Variants in HSPA12A observed in about 807,000 individuals in gnomAD.
The protein encoded by HSPA12A is heat shock protein family A (Hsp70) member 12A, also known as heat shock 70 kDa protein 12A.
In HSPA12A, 28 loss-of-function variants were observed where a neutral mutation model predicts 69.2. The ratio of observed to expected loss-of-function variants is 0.40; its 90% CI spans 0.30 to 0.55. The LOEUF is 0.55. Ranked by LOEUF, HSPA12A falls within the 20% of genes least tolerant of loss-of-function variation. The probability of loss-of-function intolerance (pLI) is 0.38; values close to 1 mark genes in which losing one functional copy is unlikely to be tolerated. For synonymous variants in HSPA12A, 345 were observed against 370.5 expected (o/e 0.93, Z 0.79); for missense variants, 686 against 900.7 (o/e 0.76, Z 3.05).
rs201219832 is a variant in HSPA12A at position 116,814,830 on chromosome 10, A to AT, written c.91+20104dup. Among the ~76,000 whole-genome samples, 1,519 of 152,292 alleles carry AT rather than the reference A, an allele frequency of 1.0e-2. 18 individuals carry two copies. The highest frequency in any genetic ancestry group is 0.031 in the African/African-American group (1,306 of 41,568). On this transcript the variant is annotated intron_variant, in intron 2 of 12. Transcript: ENST00000635765. ...AAGTTACATACCTCTCCTGTTCTGT[A>AT]TGAGAGGGTGATTGGGTTGCAAATT...
chr10:116,819,622 G>A (rs1357833134), intron 2 of HSPA12A, among the ~76,000 whole-genome samples: 1 of 150,858 alleles, frequency 6.6e-6, no homozygotes, highest in Non-Finnish European at 1.5e-5. Flanking sequence ...CCAGAACTGT[G>A]AGCAATAAAT....
chr10:116,797,470 G>A (rs1844853985), intron 2 of HSPA12A, among the ~76,000 whole-genome samples: 1 of 152,216 alleles, frequency 6.6e-6, no homozygotes, highest in Non-Finnish European at 1.5e-5. Flanking sequence ...TCGTGTGGAT[G>A]TGTGTGCATG....
Position 116,710,282 on chromosome 10 carries a change from G to C in HSPA12A, c.41-2997C>G, listed in dbSNP as rs1333459735. On this transcript the variant is annotated intron_variant, in intron 1 of 11. Transcript: ENST00000369209. This position sits in a 1 kb window ranked among gnomAD's most constrained non-coding sequence, Gnocchi z 4.1. ...CACATTTGCACAGACGGTCCTGAAA[G>C]AAACCAAATGTCTAATTGCCCAGAA... 6.6e-6 allele frequency among the ~76,000 whole-genome samples: 1 copy of C among 152,338 alleles called. No homozygotes were observed. Among genetic ancestry groups the C allele is most frequent in the East Asian group, 1.9e-4 (1 of 5,176 alleles).
At chr10:116,742,859 C>G (rs1264642478), upstream of HSPA12A, among the ~76,000 whole-genome samples, 5 of 151,820 alleles carry the variant, frequency 3.3e-5, no homozygotes, top group Non-Finnish European at 5.9e-5. Flanking sequence ...GCTGCGGGAG[C>G]GGATTTCAGG....
intron 2 of HSPA12A, among the ~76,000 whole-genome samples, chr10:116,771,409 A>G (rs1420630248): frequency 6.6e-6 from 1 of 152,216 alleles, no homozygotes; most frequent in African/African-American, 2.4e-5. Context: ...CCCACCAGCA[A>G]AGCCAGTGAC....
At chr10:116,683,446 T>G (rs1467665991) in intron 7 of HSPA12A, 3 of 178,382 alleles carry the variant, frequency 1.7e-5, no homozygotes, top group African/African-American at 4.7e-5. Context: ...TAACAGGCAA[T>G]GGAATTAGAT....
Position 116,742,410 on chromosome 10 carries a change from G to A in HSPA12A, c.40+20C>T. The A allele has an allele frequency of 1.4e-6, 2 of 1,433,870 alleles. No individual in the cohort carries two copies. The highest frequency in any genetic ancestry group is 1.3e-5 in the South Asian group (1 of 75,238). The allele number at this position is 1,433,870 out of a possible 1,614,324, so 88.8% of individuals were successfully genotyped here. A position where few individuals can be genotyped will look rare whatever the true frequency, so the allele number is the denominator to read the frequency against. On this transcript the variant is annotated intron_variant, in intron 1 of 11. Transcript: ENST00000369209. The stretch of plus-strand genomic sequence containing the variant: ...CCTGCCCCGCCAGCCGCGGCCGCAG[G>A]ACCCGCAGCCTGCGCTCACCTCGGG...
upstream of HSPA12A, chr10:116,742,675 G>T (rs1256990624): frequency 1.7e-5 from 15 of 897,004 alleles, no homozygotes; most frequent in Non-Finnish European, 2.0e-5. Context: ...CCGAGCTCGG[G>T]CCGGCCGGGA....
intron 2 of HSPA12A, among the ~76,000 whole-genome samples, chr10:116,749,118 CT>C (rs782782536): frequency 5.3e-5 from 8 of 152,208 alleles, no homozygotes; most frequent in Non-Finnish European, 1.2e-4. Context: ...CACCCCATTT[CT>C]CCACGGCACT....
chr10:116,834,748 CT>C, intron 2 of HSPA12A, among the ~76,000 whole-genome samples: 1 of 152,314 alleles, frequency 6.6e-6, no homozygotes, highest in South Asian at 2.1e-4. Context: ...TCTCTCAAAC[CT>C]CTTCCCCCTT....
Position 116,686,781 on chromosome 10 carries a change from C to T in HSPA12A, c.664-2819G>A, listed in dbSNP as rs1554879580. On this transcript the variant is annotated intron_variant, in intron 6 of 11. Transcript: ENST00000369209. This position sits in a 1 kb window ranked among gnomAD's most constrained non-coding sequence, Gnocchi z 4.1. ...ATCCCTCTTCCCACACCATAAGTTC[C>T]ACCCCTCATCCCTCTTCCCACACCA... 6.6e-6 allele frequency among the ~76,000 whole-genome samples: 1 copy of T among 151,226 alleles called. No individual in the cohort carries two copies.
At chr10:116,740,523 G>A (rs556942083) in intron 1 of HSPA12A, among the ~76,000 whole-genome samples, 1 of 152,188 alleles carries the variant, frequency 6.6e-6, no homozygotes, top group Admixed American at 6.5e-5. Context: ...TTGAGCTGGA[G>A]ATGACTGGAA....
At position 116,674,543 on chromosome 10, in the gene HSPA12A, T is replaced by C. The variant is rs1038338890; in HGVS notation, c.*238A>G. Reference sequence around the variant, plus strand: ...CACTTTTGTACCTATGAAAACTAGCTGCTCCTCCAGGATCCTTTAATTTTC... The same window carrying C: ...CACTTTTGTACCTATGAAAACTAGCCGCTCCTCCAGGATCCTTTAATTTTC... On this transcript the variant is annotated 3_prime_UTR_variant, in exon 12 of 12. Transcript: ENST00000369209. 2 of 553,978 alleles carry C rather than the reference T, an allele frequency of 3.6e-6. No homozygotes were observed. Among genetic ancestry groups the C allele is most frequent in the Non-Finnish European group, 6.4e-6 (2 of 311,200 alleles). 34.3% of individuals were successfully genotyped at this position (553,978 alleles called of 1,614,324 possible).
rs1849140366 is a variant in HSPA12A at position 116,673,421 on chromosome 10, G to A, written c.*1360C>T. ...TCTCATGGAAGCCCTCTTCCTAAAG[G>A]AGCCCAAAGGGGACACCTGCAGAGG... On this transcript the variant is annotated 3_prime_UTR_variant, in exon 12 of 12. Coordinates refer to ENST00000369209, the MANE Select transcript of HSPA12A (RefSeq NM_025015.3). The A allele has an allele frequency of 6.6e-6, 1 of 152,144 alleles. No homozygotes were observed. Among genetic ancestry groups the A allele is most frequent in the Non-Finnish European group, 1.5e-5 (1 of 68,030 alleles). The allele number at this position is 152,144 out of a possible 1,614,324, so 9.4% of individuals were successfully genotyped here.
rs1554884152 is a variant in HSPA12A at position 116,719,414 on chromosome 10, C to A, written c.41-12129G>T. Among the ~76,000 whole-genome samples, 3 of 152,212 alleles carry A rather than the reference C, an allele frequency of 2.0e-5. No individual in the cohort carries two copies. In the East Asian group the frequency reaches 5.8e-4, roughly 29 times the overall value. On this transcript the variant is annotated intron_variant, in intron 1 of 11. Coordinates refer to ENST00000369209, the MANE Select transcript of HSPA12A (RefSeq NM_025015.3). Reference sequence around the variant, plus strand: ...CACCAGCACACAGATGCAGCCACCACCAAAGGAACCTCCCTCCGTCCTTGA... The same window carrying A: ...CACCAGCACACAGATGCAGCCACCAACAAAGGAACCTCCCTCCGTCCTTGA...
At chr10:116,816,801 G>C (rs1845315449) in intron 2 of HSPA12A, among the ~76,000 whole-genome samples, 1 of 152,156 alleles carries the variant, frequency 6.6e-6, no homozygotes, top group Admixed American at 6.5e-5. Context: ...CTGGTACTAT[G>C]GTTTAAAAGA....
chr10:116,705,307 T>G (rs1589645785), intron 2 of HSPA12A, 29 bp from the exon 3 acceptor site: 1 of 1,611,830 alleles, frequency 6.2e-7, no homozygotes, highest in East Asian at 2.2e-5. Context: ...GCATGGGGGG[T>G]GTGGAGGGGT....
Position 116,692,446 on chromosome 10 carries a change from A to G in HSPA12A, c.568T>C (p.Ser190Pro). The G allele has an allele frequency of 6.2e-7, 1 of 1,614,050 alleles. No individual in the cohort carries two copies. The highest frequency in any genetic ancestry group is 8.5e-7 in the Non-Finnish European group (1 of 1,179,958). Residue 190 changes from serine (S) to proline (P), a missense_variant, in exon 6 of 12, where the codon TCG (serine) becomes CCG (proline). Coordinates refer to ENST00000369209, the MANE Select transcript of HSPA12A (RefSeq NM_025015.3). ...CTGACATCAGAGTTCTCGAACTCCG[A>G]ACCCGCCTGGTCACTCAGCTCCTGA... ...ALKELSDQAG[S>P]EFENSDVRWV...
intron 1 of HSPA12A, among the ~76,000 whole-genome samples, chr10:116,735,029 C>G (rs1554886324): frequency 6.6e-6 from 1 of 152,170 alleles, no homozygotes; most frequent in Non-Finnish European, 1.5e-5. Flanking sequence ...CCTGATCTGT[C>G]AAAGTGCAAA....
Sources: gnomAD v4.1 joint callset for allele counts (sites outside exome capture counted in the v4.1 genomes callset) on GRCh38, gnomAD v4.1.1 for gene constraint, Gnocchi (gnomAD v3.1) non-coding constraint, MANE v1.5 for transcripts, NCBI Gene and HGNC (gene_info 2026-07-23, HGNC 2026-07-21) for gene names.